EPHA5: variants seen among roughly 807,000 people sequenced by gnomAD.
EPHA5 encodes ephrin type-A receptor 5.
In EPHA5, 60 loss-of-function variants were observed where a neutral mutation model predicts 105.0. The observed-to-expected ratio is 0.57, with a 90% CI of 0.46 to 0.71. EPHA5 has a LOEUF of 0.71. EPHA5 is among the 30% of genes least tolerant of loss of function. EPHA5 has a pLI of 0.00. For missense variants in EPHA5, 1,218 were observed against 1,274.7 expected (o/e 0.96, Z 0.68); for synonymous variants, 513 against 449.1 (o/e 1.14, Z -1.80).
At chr4:65,483,055 C>T (rs1188196124) in intron 5 of EPHA5, among the ~76,000 whole-genome samples, 9 of 152,214 alleles carry the variant, frequency 5.9e-5, no homozygotes, top group Non-Finnish European at 1.5e-5. Context: ...GTTCCCCATC[C>T]TGTGTCCAAG....
At chr4:65,355,494 T>C (rs752131192) in intron 11 of EPHA5, among the ~76,000 whole-genome samples, 2 of 151,592 alleles carry the variant, frequency 1.3e-5, no homozygotes, top group Non-Finnish European at 3.0e-5. Flanking sequence ...TAGACACAGT[T>C]CTGCTTTGGG....
chr4:65,376,903 C>T, intron 8 of EPHA5: 1 of 1,157,218 alleles, frequency 8.6e-7, no homozygotes, highest in Non-Finnish European at 1.2e-6. Context: ...TTTTATTCTA[C>T]TCAAATGTAC....
chr4:65,389,707 G>A (rs2148952302), intron 8 of EPHA5, among the ~76,000 whole-genome samples: 2 of 152,148 alleles, frequency 1.3e-5, no homozygotes, highest in Middle Eastern at 6.8e-3. Context: ...TATCAGAGAA[G>A]CATTAGGATT....
intron 1 of EPHA5, among the ~76,000 whole-genome samples, chr4:65,651,624 T>A (rs948356483): frequency 6.6e-6 from 1 of 152,070 alleles, no homozygotes; most frequent in Non-Finnish European, 1.5e-5. Flanking sequence ...AAATAATGAG[T>A]GCCTTTTTTA....
At chr4:65,361,818 A>T (rs1273386445) in intron 11 of EPHA5, among the ~76,000 whole-genome samples, 3 of 151,608 alleles carry the variant, frequency 2.0e-5, no homozygotes, top group Non-Finnish European at 3.0e-5. Context: ...ATGATTCTAA[A>T]TTAAGAAATA....
At chr4:65,440,216 A>G (rs910036127) in intron 5 of EPHA5, among the ~76,000 whole-genome samples, 7 of 152,090 alleles carry the variant, frequency 4.6e-5, no homozygotes, top group Non-Finnish European at 1.0e-4. Context: ...CAATATGAAT[A>G]CTACTAAAAT....
At chr4:65,384,682 TG>T (rs1243553427) in intron 8 of EPHA5, among the ~76,000 whole-genome samples, 3 of 151,922 alleles carry the variant, frequency 2.0e-5, no homozygotes, top group Admixed American at 6.6e-5. Flanking sequence ...AAATACTCTG[TG>T]TTTGTTCTCA....
chr4:65,588,228 T>C (rs1016070662), intron 3 of EPHA5, among the ~76,000 whole-genome samples: 9 of 152,166 alleles, frequency 5.9e-5, no homozygotes, highest in Admixed American at 5.9e-4. Flanking sequence ...GTGTCAACCC[T>C]TCTTCTTGCC....
rs182555200 is a variant in EPHA5, at chr4:65,334,701, T to A, written c.2789+1231A>T. Among the ~76,000 whole-genome samples, 30 of 152,010 alleles carry A rather than the reference T, an allele frequency of 2.0e-4. 1 individual carries two copies. The East Asian group carries it at 3.9e-3, about 20-fold the overall frequency. ...TTTAAACGAAACCTAGAAAGCTGAA[T>A]CCTATATACTGCATACAATGAAATA... On this transcript the variant is annotated intron_variant, in intron 15 of 16. Coordinates refer to ENST00000613740, the MANE Select transcript of EPHA5 (RefSeq NM_001281766.3).
At chr4:65,515,294 A>T (rs924145577) in intron 3 of EPHA5, among the ~76,000 whole-genome samples, 14 of 152,094 alleles carry the variant, frequency 9.2e-5, no homozygotes, top group South Asian at 2.1e-4. Flanking sequence ...TTTCTTTTTT[A>T]AAAAAAACAA....
chr4:65,504,272 A>C (rs2149246877), intron 3 of EPHA5, among the ~76,000 whole-genome samples: 1 of 151,240 alleles, frequency 6.6e-6, no homozygotes. Flanking sequence ...AAAATTTATT[A>C]TGTACCAGAT....
intron 3 of EPHA5, among the ~76,000 whole-genome samples, chr4:65,547,455 T>C (rs924076968): frequency 6.6e-5 from 10 of 152,140 alleles, no homozygotes; most frequent in Admixed American, 3.3e-4. Flanking sequence ...CTGACATATT[T>C]TATGGTCTAA....
intron 3 of EPHA5, among the ~76,000 whole-genome samples, chr4:65,544,469 T>C (rs1737174901): frequency 6.6e-6 from 1 of 151,660 alleles, no homozygotes. Context: ...AAGAAACATA[T>C]GAAAAAAAGC....
chr4:65,353,850 A>T (rs548995907), intron 11 of EPHA5, among the ~76,000 whole-genome samples: 4 of 151,404 alleles, frequency 2.6e-5, no homozygotes, highest in Non-Finnish European at 5.9e-5. Context: ...GATTAACCCC[A>T]CTTTTCTTTT....
At chr4:65,601,285 G>T (rs1047779527) in intron 3 of EPHA5, among the ~76,000 whole-genome samples, 1 of 152,094 alleles carries the variant, frequency 6.6e-6, no homozygotes, top group Non-Finnish European at 1.5e-5. Flanking sequence ...TAGAAAATAA[G>T]TTCATGGAGA....
intron 2 of EPHA5, among the ~76,000 whole-genome samples, chr4:65,635,180 G>A (rs994082680): frequency 5.3e-5 from 8 of 152,060 alleles, no homozygotes; most frequent in Non-Finnish European, 8.8e-5. Context: ...AGAACAAAGC[G>A]ACAATAAAAC....
intron 8 of EPHA5, among the ~76,000 whole-genome samples, chr4:65,380,081 G>A (rs1719409014): frequency 6.6e-6 from 1 of 151,738 alleles, no homozygotes; most frequent in Non-Finnish European, 1.5e-5. Flanking sequence ...AGATGATTTA[G>A]AAATAGAAAC....
chr4:65,524,713 G>A (rs578083316), intron 3 of EPHA5, among the ~76,000 whole-genome samples: 1 of 151,784 alleles, frequency 6.6e-6, no homozygotes, highest in African/African-American at 2.4e-5. Context: ...TGCCATTTCA[G>A]TACGTTTAAA....
At chr4:65,614,904 A>G (rs1170767749) in intron 2 of EPHA5, among the ~76,000 whole-genome samples, 4 of 151,890 alleles carry the variant, frequency 2.6e-5, no homozygotes, top group Non-Finnish European at 4.4e-5. Flanking sequence ...TACTAATGTC[A>G]TCAACAATAG....
Sources: allele counts gnomAD v4.1 joint callset (sites outside exome capture counted in the v4.1 genomes callset), GRCh38; gene constraint gnomAD v4.1.1; transcripts MANE v1.5; gene names NCBI Gene and HGNC (gene_info 2026-07-23, HGNC 2026-07-21).